Variants in MAST4 observed in about 807,000 individuals in gnomAD.
The protein encoded by MAST4 is microtubule associated serine/threonine kinase family member 4.
A neutral mutation model predicts 162.7 loss-of-function variants in MAST4; 89 were observed. The observed-to-expected ratio is 0.55, with a 90% CI of 0.46 to 0.65. MAST4 has a LOEUF of 0.65. Among genes scored for constraint, MAST4 ranks in the 30% least tolerant of loss-of-function variants. The probability of loss-of-function intolerance (pLI) is 0.00; values close to 1 mark genes in which losing one functional copy is unlikely to be tolerated. For missense variants in MAST4, 3,153 were observed against 3,374.0 expected, an observed-to-expected ratio of 0.93 and a Z score of 1.62; for synonymous variants, 1,479 against 1,361.1, an observed-to-expected ratio of 1.09 and a Z score of -1.91.
intron 4 of MAST4, among the ~76,000 whole-genome samples, chr5:66,962,249 C>T (rs17217690): frequency 0.054 from 8,266 of 152,098 alleles, 332 homozygotes; most frequent in Middle Eastern, 0.11. Flanking sequence ...GTAGAGCCAT[C>T]GTCCAGCGGA....
At chr5:67,003,168 G>A (rs1384106608) in intron 4 of MAST4, among the ~76,000 whole-genome samples, 1 of 151,994 alleles carries the variant, frequency 6.6e-6, no homozygotes, top group East Asian at 1.9e-4. Context: ...GCTGGACCAA[G>A]CTCATTAATA....
intron 7 of MAST4, among the ~76,000 whole-genome samples, chr5:67,097,862 G>A (rs1362615385): frequency 6.6e-6 from 1 of 152,064 alleles, no homozygotes; most frequent in Non-Finnish European, 1.5e-5. Context: ...CTTATTGATT[G>A]TTGATAAAAG....
intron 4 of MAST4, among the ~76,000 whole-genome samples, chr5:66,931,929 G>A (rs1580920619): frequency 2.6e-5 from 4 of 152,234 alleles, no homozygotes; most frequent in Admixed American, 2.6e-4. Flanking sequence ...GTTATCTTCA[G>A]GGAATTATAG....
At chr5:66,857,312 G>T (rs556673097) in intron 3 of MAST4, among the ~76,000 whole-genome samples, 1 of 152,134 alleles carries the variant, frequency 6.6e-6, no homozygotes, top group Non-Finnish European at 1.5e-5. Context: ...AACATGTTAG[G>T]TGTGTCTAGT....
Position 67,164,018 on chromosome 5 carries a change from G to C in MAST4, c.4839G>C (p.Val1613=). The change falls in exon 29 of 29, where the codon GTG becomes GTC. Residue 1613 remains valine (V), a synonymous_variant. Transcript: ENST00000403625. The surrounding 1 kb of genome is among the most constrained non-coding windows in gnomAD (Gnocchi z 5.3). ...ATGCTCTTCACAAGCAGGCCAGCGT[G>C]CGCGCCAGCGAGGGTGCGATGTCGG... is the stretch of plus-strand genomic sequence containing the variant. ...LKDALHKQAS[V]RASEGAMSDG... 1.9e-6 allele frequency: 3 copies of C among 1,590,296 alleles called. No homozygotes were observed. Among genetic ancestry groups the C allele is most frequent in the Non-Finnish European group, 2.6e-6 (3 of 1,168,130 alleles).
At chr5:66,952,397 C>T (rs1744809987) in intron 4 of MAST4, among the ~76,000 whole-genome samples, 1 of 152,090 alleles carries the variant, frequency 6.6e-6, no homozygotes, top group Non-Finnish European at 1.5e-5. Flanking sequence ...GGTAGAGAGT[C>T]CTTAGAAGCC....
chr5:66,938,531 G>T (rs1033372867), intron 4 of MAST4, among the ~76,000 whole-genome samples: 1 of 152,184 alleles, frequency 6.6e-6, no homozygotes, highest in Non-Finnish European at 1.5e-5. Flanking sequence ...TTAAAGAGGA[G>T]TTGGGCAAAG....
rs188467154 is a variant in MAST4, at chr5:66,695,223, T to A, written c.364-64486T>A. On this transcript the variant is annotated intron_variant, in intron 1 of 28. Transcript: ENST00000403625. ...TGTAAGGAAGGGCTTCAGTTTTAAT[T>A]TTCTGCATATGGCTAGCCAGTTTTC... Among the ~76,000 whole-genome samples the A allele has an allele frequency of 5.6e-4, 85 of 152,286 alleles. 2 individuals are homozygous for A. The East Asian group carries it at 0.014, about 25-fold the overall frequency.
At chr5:66,774,952 G>A (rs1464697722) in intron 2 of MAST4, among the ~76,000 whole-genome samples, 1 of 151,904 alleles carries the variant, frequency 6.6e-6, no homozygotes, top group East Asian at 1.9e-4. Flanking sequence ...AATGGCAAGT[G>A]TTTAGAGGCA....
At chr5:67,101,258 T>C (rs1025896594) in intron 8 of MAST4, among the ~76,000 whole-genome samples, 1 of 152,162 alleles carries the variant, frequency 6.6e-6, no homozygotes, top group Non-Finnish European at 1.5e-5. Flanking sequence ...CCAGCAGCCT[T>C]AGCCGACTCC....
In MAST4 at chr5:67,166,065, G is replaced by C. The variant is rs543700195; in HGVS notation, c.6886G>C (p.Glu2296Gln). 1 of 1,613,644 alleles carries C rather than the reference G, an allele frequency of 6.2e-7. No individual in the cohort carries two copies. Among genetic ancestry groups the C allele is most frequent in the Admixed American group, 1.7e-5 (1 of 59,998 alleles). The change falls in exon 29 of 29, where the codon GAG becomes CAG. Residue 2296 changes from glutamate (E) to glutamine (Q), a missense_variant. Physicochemically the swap from Glu to Gln is conservative, Grantham distance 29. Transcript: ENST00000403625. ...ACCCACCAGTGGTGGGCGGCCCCTG[G>C]AGGTGCTGGAGAAGCCTGTGCATTT... The part of the protein sequence containing the change: ...PQPTSGGRPL[E>Q]VLEKPVHLPR...
At chr5:66,643,291 C>T (rs766073322) in intron 1 of MAST4, among the ~76,000 whole-genome samples, 26 of 152,118 alleles carry the variant, frequency 1.7e-4, no homozygotes, top group Non-Finnish European at 3.4e-4. Context: ...GAAATCTGTG[C>T]GGAGCTTCCC....
At chr5:66,742,738 G>A (rs192529262) in intron 1 of MAST4, among the ~76,000 whole-genome samples, 1 of 152,128 alleles carries the variant, frequency 6.6e-6, no homozygotes, top group African/African-American at 2.4e-5. Context: ...TTGTGCTCTT[G>A]TAACCTACAG....
At chr5:66,704,602 G>A (rs1177756491) in intron 1 of MAST4, among the ~76,000 whole-genome samples, 2 of 145,754 alleles carry the variant, frequency 1.4e-5, no homozygotes, top group Admixed American at 7.1e-5. Flanking sequence ...CCGGGTTCAC[G>A]CCATTCTCCC....
chr5:66,774,617 A>T (rs1754500921), intron 2 of MAST4, among the ~76,000 whole-genome samples: 3 of 152,070 alleles, frequency 2.0e-5, no homozygotes. Context: ...TTGTGTACCT[A>T]TCATTCCATT....
At chr5:67,012,399 C>T (rs559785) in intron 4 of MAST4, among the ~76,000 whole-genome samples, 76,374 of 151,922 alleles carry the variant, frequency 0.5, 20,393 homozygotes, top group East Asian at 0.7. Flanking sequence ...GGACCCCAGC[C>T]TCACCCTCCA....
chr5:66,898,177 G>C (rs1241039651), intron 3 of MAST4, among the ~76,000 whole-genome samples: 2 of 152,310 alleles, frequency 1.3e-5, no homozygotes, highest in East Asian at 1.9e-4. Context: ...GTCTGGTACA[G>C]TGTGGTGTAT....
At chr5:67,016,982 C>T (rs997897003) in intron 4 of MAST4, among the ~76,000 whole-genome samples, 4 of 152,150 alleles carry the variant, frequency 2.6e-5, no homozygotes, top group African/African-American at 9.7e-5. Context: ...TACTTATAGG[C>T]TTCTTTCCTT....
chr5:66,641,313 G>A (rs1163701987), intron 1 of MAST4, among the ~76,000 whole-genome samples: 3 of 151,994 alleles, frequency 2.0e-5, no homozygotes, highest in Non-Finnish European at 4.4e-5. Context: ...TACCATGCCT[G>A]GCTAATTTTT....
Sources: allele counts gnomAD v4.1 joint callset (sites outside exome capture counted in the v4.1 genomes callset), GRCh38; gene constraint gnomAD v4.1.1; non-coding constraint Gnocchi (gnomAD v3.1); transcripts MANE v1.5; gene names NCBI Gene and HGNC (gene_info 2026-07-23, HGNC 2026-07-21).